HMG20A: variants seen among roughly 807,000 people sequenced by gnomAD.
The protein encoded by HMG20A is high mobility group protein 20A.
In HMG20A, 17 loss-of-function variants were observed where a neutral mutation model predicts 43.9. The observed-to-expected ratio is 0.39, with a 90% CI of 0.27 to 0.58. HMG20A has a LOEUF of 0.58. Among genes scored for constraint, HMG20A ranks in the 20% least tolerant of loss-of-function variants. HMG20A has a pLI of 0.59. For synonymous variants in HMG20A, 132 were observed against 147.5 expected, an observed-to-expected ratio of 0.89 and a Z score of 0.76; for missense variants, 341 against 438.2, an observed-to-expected ratio of 0.78 and a Z score of 1.98.
chr15:77,442,905 C>A (rs1013686212), intron 1 of HMG20A, among the ~76,000 whole-genome samples: 5 of 152,040 alleles, frequency 3.3e-5, no homozygotes, highest in Non-Finnish European at 7.4e-5. Flanking sequence ...CATCTGTGAT[C>A]CTTGATGGCA....
chr15:77,424,361 A>G (rs1469328005), intron 1 of HMG20A, among the ~76,000 whole-genome samples: 3 of 152,198 alleles, frequency 2.0e-5, no homozygotes, highest in African/African-American at 7.2e-5. Context: ...GGGATCAGAT[A>G]GGCCCAAATT....
At chr15:77,507,712 A>C in the HMG20A span, among the ~76,000 whole-genome samples, 1 of 152,222 alleles carries the variant, frequency 6.6e-6, no homozygotes, top group South Asian at 2.1e-4. Context: ...CCCCAAATGG[A>C]GCACAAAAAT....
intron 6 of HMG20A, among the ~76,000 whole-genome samples, chr15:77,474,698 G>A (rs963178196): frequency 6.6e-6 from 1 of 152,176 alleles, no homozygotes; most frequent in Admixed American, 6.5e-5. Flanking sequence ...ACTGGAGAGG[G>A]CATATTAGAG....
At chr15:77,496,373 A>C in the HMG20A span, among the ~76,000 whole-genome samples, 1 of 152,204 alleles carries the variant, frequency 6.6e-6, no homozygotes, top group African/African-American at 2.4e-5. Flanking sequence ...TGCAGCTTTC[A>C]GAAGTCTAGG....
At chr15:77,515,310 C>G in the HMG20A span, among the ~76,000 whole-genome samples, 1 of 152,004 alleles carries the variant, frequency 6.6e-6, no homozygotes, top group African/African-American at 2.4e-5. Context: ...GGATAAACGC[C>G]CAGCAGTACT....
At chr15:77,499,293 C>G in the HMG20A span, among the ~76,000 whole-genome samples, 1 of 152,212 alleles carries the variant, frequency 6.6e-6, no homozygotes, top group Non-Finnish European at 1.5e-5. Context: ...GCTGGAGTTC[C>G]TGATCTCTCT....
the HMG20A span, among the ~76,000 whole-genome samples, chr15:77,518,800 C>T: frequency 6.6e-6 from 1 of 152,210 alleles, no homozygotes; most frequent in Non-Finnish European, 1.5e-5. Flanking sequence ...GGAGCACACT[C>T]CTCCCACAGG....
chr15:77,514,061 A>G, the HMG20A span, among the ~76,000 whole-genome samples: 7 of 152,146 alleles, frequency 4.6e-5, no homozygotes, highest in Admixed American at 4.6e-4. Context: ...AAGTTTAATT[A>G]CTTCCTTAAT....
intron 1 of HMG20A, among the ~76,000 whole-genome samples, chr15:77,442,210 T>C (rs2142295527): frequency 6.6e-6 from 1 of 152,322 alleles, no homozygotes; most frequent in South Asian, 2.1e-4. Context: ...AATTAAATGG[T>C]ATTCTTGTTT....
At chr15:77,507,895 C>T in the HMG20A span, among the ~76,000 whole-genome samples, 1 of 128,166 alleles carries the variant, frequency 7.8e-6, no homozygotes, top group Admixed American at 9.2e-5. Flanking sequence ...CGGTGCTGAG[C>T]GTAGGTCTGG....
chr15:77,461,385 T>C (rs1368107309), intron 2 of HMG20A, among the ~76,000 whole-genome samples: 1 of 152,182 alleles, frequency 6.6e-6, no homozygotes, highest in Non-Finnish European at 1.5e-5. Flanking sequence ...CATTTTGTTT[T>C]GTGTTAAGAG....
intron 1 of HMG20A, among the ~76,000 whole-genome samples, chr15:77,442,154 C>T (rs1310921771): frequency 6.6e-6 from 1 of 152,142 alleles, no homozygotes; most frequent in Non-Finnish European, 1.5e-5. Flanking sequence ...CAGAGTTAAA[C>T]CTCTTAAGGA....
the HMG20A span, among the ~76,000 whole-genome samples, chr15:77,497,838 ATTTTTT>A: frequency 0.23 from 32,667 of 142,594 alleles, 3,969 homozygotes; most frequent in Middle Eastern, 0.3. Context: ...AAGATTTTTA[ATTTTTT>A]TTTTTTTTTT....
intron 1 of HMG20A, among the ~76,000 whole-genome samples, chr15:77,438,604 T>C (rs1485683661): frequency 1.3e-5 from 2 of 152,146 alleles, no homozygotes; most frequent in Non-Finnish European, 2.9e-5. Flanking sequence ...TAGATGTAGT[T>C]TTTAATTATT....
chr15:77,493,869 C>T, the HMG20A span, among the ~76,000 whole-genome samples: 2 of 152,062 alleles, frequency 1.3e-5, no homozygotes, highest in Non-Finnish European at 2.9e-5. Context: ...ATCAGACAGC[C>T]TTGTGGGAAT....
chr15:77,460,444 G>A (rs1243930135), intron 2 of HMG20A, among the ~76,000 whole-genome samples: 1 of 152,142 alleles, frequency 6.6e-6, no homozygotes, highest in Non-Finnish European at 1.5e-5. Flanking sequence ...GGAATTGTAG[G>A]AGCTCAGTTT....
chr15:77,474,991 A>T (rs897527301), intron 6 of HMG20A, among the ~76,000 whole-genome samples: 1 of 152,198 alleles, frequency 6.6e-6, no homozygotes, highest in African/African-American at 2.4e-5. Context: ...AGAGTTAGCG[A>T]GTATTACTCT....
the HMG20A span, among the ~76,000 whole-genome samples, chr15:77,494,427 G>A: frequency 5.8e-4 from 88 of 152,202 alleles, no homozygotes; most frequent in African/African-American, 1.9e-3. Context: ...CACCATACCC[G>A]GCCCCTACTG....
At chr15:77,455,010 A>G (rs1284954509) in intron 1 of HMG20A, among the ~76,000 whole-genome samples, 2 of 152,004 alleles carry the variant, frequency 1.3e-5, no homozygotes, top group Non-Finnish European at 2.9e-5. Flanking sequence ...GGAGTGGTGC[A>G]GAAGGAATAT....
Sources: allele counts gnomAD v4.1 joint callset (sites outside exome capture counted in the v4.1 genomes callset), GRCh38; gene constraint gnomAD v4.1.1; transcripts MANE v1.5; gene names NCBI Gene and HGNC (gene_info 2026-07-23, HGNC 2026-07-21).